Variants in PPP1R12B observed in about 807,000 individuals in gnomAD.
PPP1R12B encodes the protein protein phosphatase 1 regulatory subunit 12B.
A neutral mutation model predicts 126.1 loss-of-function variants in PPP1R12B; 76 were observed. That is an observed-to-expected ratio of 0.60 (90% CI 0.50 to 0.73). The LOEUF (loss-of-function observed/expected upper bound fraction) is 0.73. Ranked by LOEUF, PPP1R12B falls within the 30% of genes least tolerant of loss-of-function variation. The probability of loss-of-function intolerance (pLI) is 0.00; values close to 1 mark genes in which losing one functional copy is unlikely to be tolerated. For missense variants in PPP1R12B, 1,052 were observed against 1,205.1 expected (o/e 0.87, Z 1.88); for synonymous variants, 356 against 434.7 (o/e 0.82, Z 2.25).
In PPP1R12B at chr1:202,494,671, A is replaced by C. The variant is rs987942538; in HGVS notation, c.2146-622A>C. Among the ~76,000 whole-genome samples the C allele has an allele frequency of 4.3e-4, 65 of 151,250 alleles. 1 individual carries two copies. The highest frequency in any genetic ancestry group is 1.2e-4 in the Non-Finnish European group (8 of 67,846). ...CAGTGAGCCAAGATCGCAGCACTGCACTCCAGCCTGGGCAACAGAGCAAGA... is the reference window on the plus strand; with the variant it reads ...CAGTGAGCCAAGATCGCAGCACTGCCCTCCAGCCTGGGCAACAGAGCAAGA... On this transcript the variant is annotated intron_variant, in intron 15 of 23. Coordinates refer to ENST00000608999, the MANE Select transcript of PPP1R12B (RefSeq NM_002481.4).
At chr1:202,393,916 A>C (rs560674719) in intron 1 of PPP1R12B, among the ~76,000 whole-genome samples, 5,258 of 152,218 alleles carry the variant, frequency 0.035, 312 homozygotes, top group African/African-American at 0.12. Flanking sequence ...TAAATAAATA[A>C]AAAACAAAAG....
chr1:202,568,362 T>G (rs1688258180), intron 22 of PPP1R12B, among the ~76,000 whole-genome samples: 1 of 152,218 alleles, frequency 6.6e-6, no homozygotes, highest in African/African-American at 2.4e-5. Context: ...TCCTCCCAAC[T>G]GTACTCAGAA....
At chr1:202,555,352 A>AAAAAAAAAAAAAC (rs1686800292) in intron 18 of PPP1R12B, among the ~76,000 whole-genome samples, 1 of 137,490 alleles carries the variant, frequency 7.3e-6, no homozygotes, top group Non-Finnish European at 1.6e-5. Context: ...AAAAAAAAAA[A>AAAAAAAAAAAAAC]AGCTTGTTTC....
intron 1 of PPP1R12B, among the ~76,000 whole-genome samples, chr1:202,356,592 A>G (rs967045193): frequency 6.6e-6 from 1 of 152,180 alleles, no homozygotes; most frequent in African/African-American, 2.4e-5. Flanking sequence ...GCCCAATATA[A>G]TCACAAGCAT....
intron 1 of PPP1R12B, among the ~76,000 whole-genome samples, chr1:202,369,162 T>G (rs1659794890): frequency 6.6e-6 from 1 of 152,246 alleles, no homozygotes; most frequent in Admixed American, 6.5e-5. Context: ...TGCTTGGTTC[T>G]GAGACAGTGA....
chr1:202,456,097 C>T (rs373714014), intron 13 of PPP1R12B, among the ~76,000 whole-genome samples: 81 of 151,894 alleles, frequency 5.3e-4, no homozygotes, highest in Admixed American at 6.6e-4. Flanking sequence ...AGTGAAATCC[C>T]GTCTCTAATA....
At chr1:202,479,364 T>A (rs1677060302) in intron 13 of PPP1R12B, among the ~76,000 whole-genome samples, 1 of 152,092 alleles carries the variant, frequency 6.6e-6, no homozygotes, top group South Asian at 2.1e-4. Flanking sequence ...TGAAGGTACT[T>A]GAGAGTTACA....
At chr1:202,536,761 G>A (rs1414581754) in intron 18 of PPP1R12B, among the ~76,000 whole-genome samples, 2 of 151,474 alleles carry the variant, frequency 1.3e-5, no homozygotes, top group African/African-American at 4.9e-5. Flanking sequence ...TAATCTATAA[G>A]CTTTTATCTG....
chr1:202,442,375 T>G, intron 11 of PPP1R12B, 72 bp from the exon 12 acceptor site: 1 of 1,517,400 alleles, frequency 6.6e-7, no homozygotes, highest in South Asian at 1.3e-5. Context: ...GGCTCTTCTC[T>G]CTCTGCATTG....
chr1:202,541,038 AC>A (rs1685071395), intron 18 of PPP1R12B, among the ~76,000 whole-genome samples: 1 of 152,200 alleles, frequency 6.6e-6, no homozygotes, highest in Admixed American at 6.5e-5. Flanking sequence ...AAAAGCAAGA[AC>A]TGCTACCAAT....
chr1:202,488,452 C>T, intron 13 of PPP1R12B, 81 bp from the exon 14 acceptor site: 2 of 1,086,652 alleles, frequency 1.8e-6, no homozygotes, highest in South Asian at 3.0e-5. Flanking sequence ...GAAATCTCTT[C>T]AATATGTGGA....
chr1:202,449,012 A>C lies in PPP1R12B; in HGVS notation c.1691A>C (p.Asp564Ala). 1 of 1,613,854 alleles carries C rather than the reference A, an allele frequency of 6.2e-7. No homozygotes were observed. Among genetic ancestry groups the C allele is most frequent in the Non-Finnish European group, 8.5e-7 (1 of 1,179,848 alleles). Residue 564 changes from aspartate (D) to alanine (A), a missense_variant, in exon 13 of 24, where the codon GAC becomes GCC. By Grantham distance (126) the Asp-to-Ala change is moderately radical. Transcript: ENST00000608999. ...LKRTPHKSQA[D>A]TTAEKTADNV... The stretch of plus-strand genomic sequence containing the variant: ...AGGACTCCTCACAAATCCCAGGCCG[A>C]CACAACAGCAGAGAAAACAGCAGAC...
At chr1:202,390,865 C>T (rs2148522010) in intron 1 of PPP1R12B, among the ~76,000 whole-genome samples, 1 of 152,182 alleles carries the variant, frequency 6.6e-6, no homozygotes, top group East Asian at 1.9e-4. Context: ...AGTTCAAGAC[C>T]AGCTTGGGGC....
In PPP1R12B at chr1:202,431,649, C is replaced by G. The variant is rs201258004; in HGVS notation, c.1141+30C>G. On this transcript the variant is annotated intron_variant, in intron 8 of 23. Coordinates refer to ENST00000608999, the MANE Select transcript of PPP1R12B (RefSeq NM_002481.4). ...TGCAAAGATGTTCATAGTGAAGATC[C>G]TCTATCTCCATAGTGTAAGAAGATT... The G allele has an allele frequency of 1.0e-4, 163 of 1,585,722 alleles. No homozygotes were observed. In the African/African-American group the frequency reaches 2.2e-3, roughly 21 times the overall value.
intron 1 of PPP1R12B, among the ~76,000 whole-genome samples, chr1:202,400,788 G>A (rs1398498790): frequency 6.6e-6 from 1 of 152,180 alleles, no homozygotes; most frequent in East Asian, 1.9e-4. Context: ...TATAGATGGG[G>A]TAACTGAGGC....
At chr1:202,518,118 AT>A (rs1682365284) in intron 18 of PPP1R12B, among the ~76,000 whole-genome samples, 1 of 152,178 alleles carries the variant, frequency 6.6e-6, no homozygotes, top group Admixed American at 6.5e-5. Context: ...CCCTATGAAA[AT>A]GTATCTCTGG....
At position 202,425,555 on chromosome 1, in the gene PPP1R12B, G is replaced by A; in HGVS notation, c.542-11G>A. On this transcript the variant is annotated splice_polypyrimidine_tract_variant and intron_variant, in intron 3 of 23. Coordinates refer to ENST00000608999, the MANE Select transcript of PPP1R12B (RefSeq NM_002481.4). ...TAGTAATCCTGGCTGTCTGGTATCTGGTTTCTGTAGGAGTTGATCTAGAGC... is the reference window on the plus strand; with the variant it reads ...TAGTAATCCTGGCTGTCTGGTATCTAGTTTCTGTAGGAGTTGATCTAGAGC... 1 of 1,612,304 alleles carries A rather than the reference G, an allele frequency of 6.2e-7. No homozygotes were observed. Among genetic ancestry groups the A allele is most frequent in the Non-Finnish European group, 8.5e-7 (1 of 1,178,944 alleles).
intron 21 of PPP1R12B, among the ~76,000 whole-genome samples, chr1:202,567,002 T>C (rs764850187): frequency 6.6e-6 from 1 of 152,246 alleles, no homozygotes; most frequent in Non-Finnish European, 1.5e-5. Context: ...ATTCCCCTTT[T>C]AAGGAAGGGC....
intron 1 of PPP1R12B, among the ~76,000 whole-genome samples, chr1:202,350,463 A>G (rs1288401245): frequency 1.3e-5 from 2 of 152,190 alleles, no homozygotes; most frequent in Non-Finnish European, 1.5e-5. Flanking sequence ...GAAGTGGCCC[A>G]TAGGCATGGA....
Sources: allele counts gnomAD v4.1 joint callset (sites outside exome capture counted in the v4.1 genomes callset), GRCh38; gene constraint gnomAD v4.1.1; transcripts MANE v1.5; gene names NCBI Gene and HGNC (gene_info 2026-07-23, HGNC 2026-07-21).